MICU3: variants seen among roughly 807,000 people sequenced by gnomAD.
MICU3 encodes the protein mitochondrial calcium uptake 3.
In MICU3, 62 loss-of-function variants were observed where a neutral mutation model predicts 66.5. That is an observed-to-expected ratio of 0.93 (90% confidence interval 0.76 to 1.15). The LOEUF is 1.15. Among genes scored for constraint, MICU3 ranks in the 50% most tolerant of loss-of-function variants. The pLI is 0.00. For missense variants in MICU3, 779 were observed against 664.4 expected (o/e 1.17, Z -1.90); for synonymous variants, 308 against 240.7 (o/e 1.28, Z -2.59).
At chr8:17,124,897 T>C (rs7837329), downstream of MICU3, among the ~76,000 whole-genome samples, 6,203 of 152,200 alleles carry the variant, frequency 0.041, 445 homozygotes, top group African/African-American at 0.14. Flanking sequence ...TAGGACTTAG[T>C]AGAATCTTCC....
At chr8:17,099,799 A>G (rs1371698109) in intron 9 of MICU3, among the ~76,000 whole-genome samples, 3 of 151,732 alleles carry the variant, frequency 2.0e-5, no homozygotes, top group Non-Finnish European at 4.4e-5. Flanking sequence ...CCTAGTTTCC[A>G]TGCTTCAAAT....
chr8:17,054,150 A>G (rs367667412), intron 1 of MICU3, among the ~76,000 whole-genome samples: 79 of 152,342 alleles, frequency 5.2e-4, no homozygotes, highest in African/African-American at 1.5e-3. Context: ...CACAATGTCT[A>G]TATTTTCCTA....
At chr8:17,063,535 A>T (rs1480547654) in intron 1 of MICU3, among the ~76,000 whole-genome samples, 1 of 152,178 alleles carries the variant, frequency 6.6e-6, no homozygotes, top group Non-Finnish European at 1.5e-5. Context: ...CCTAAAATTC[A>T]GACCAATGAT....
At chr8:17,047,996 C>T (rs142994290) in intron 1 of MICU3, among the ~76,000 whole-genome samples, 57 of 152,216 alleles carry the variant, frequency 3.7e-4, no homozygotes, top group East Asian at 2.7e-3. Context: ...ACAACTGATA[C>T]GCAAGATAGT....
chr8:17,096,100 G>A (rs1800656595), intron 8 of MICU3, among the ~76,000 whole-genome samples: 1 of 151,910 alleles, frequency 6.6e-6, no homozygotes, highest in Admixed American at 6.6e-5. Flanking sequence ...GGGGCCAGTA[G>A]CTCAGATAGC....
chr8:17,097,562 C>G (rs1371818893), intron 8 of MICU3, among the ~76,000 whole-genome samples: 4 of 151,606 alleles, frequency 2.6e-5, no homozygotes, highest in Admixed American at 1.3e-4. Flanking sequence ...ATTAGGAGCA[C>G]TGGACTTTTA....
intron 2 of MICU3, among the ~76,000 whole-genome samples, chr8:17,065,207 C>G (rs1053407117): frequency 2.6e-5 from 4 of 152,082 alleles, no homozygotes; most frequent in African/African-American, 9.7e-5. Flanking sequence ...AATACTTTAA[C>G]TTAGACTAGA....
intron 9 of MICU3, among the ~76,000 whole-genome samples, chr8:17,099,390 C>T (rs1291141005): frequency 6.6e-6 from 1 of 151,860 alleles, no homozygotes; most frequent in East Asian, 1.9e-4. Flanking sequence ...TTAGAAGTTA[C>T]ACCTGAAAAT....
At chr8:17,101,484 A>G (rs1801252226) in intron 9 of MICU3, among the ~76,000 whole-genome samples, 1 of 151,786 alleles carries the variant, frequency 6.6e-6, no homozygotes, top group African/African-American at 2.4e-5. Context: ...TTGGATCTGG[A>G]TTATCTGGAT....
At chr8:17,041,285 A>AT in intron 1 of MICU3, among the ~76,000 whole-genome samples, 1 of 151,918 alleles carries the variant, frequency 6.6e-6, no homozygotes, top group Non-Finnish European at 1.5e-5. Flanking sequence ...AAAAAAAAAA[A>AT]GTCAGGGGGC....
At chr8:17,110,759 G>T (rs1802131020) in intron 11 of MICU3, among the ~76,000 whole-genome samples, 1 of 151,422 alleles carries the variant, frequency 6.6e-6, no homozygotes, top group African/African-American at 2.4e-5. Flanking sequence ...GTAGAGACAG[G>T]GTTTTTTTTT....
At chr8:17,096,955 T>TTGTGTGTG (rs3988378) in intron 8 of MICU3, among the ~76,000 whole-genome samples, 2,866 of 141,592 alleles carry the variant, frequency 0.02, 41 homozygotes, top group African/African-American at 0.037. Context: ...CTAAATATAT[T>TTGTGTGTG]TGTGTGTGTG....
chr8:17,064,105 A>G lies in MICU3; in HGVS notation c.403A>G (p.Ile135Val), dbSNP rs773630135. ...KETVAIGRTD[I>V]EDLDLYATSR... is the part of the protein sequence containing the mutation. ...TTAGGTTGCTATTGGCAGAACAGACATTGAAGACTTAGACCTTTATGCCAC... is the reference window on the plus strand; with the variant it reads ...TTAGGTTGCTATTGGCAGAACAGACGTTGAAGACTTAGACCTTTATGCCAC... Residue 135 changes from isoleucine (I) to valine (V), a missense_variant, in exon 2 of 15, where the codon ATT becomes GTT. By Grantham distance (29) the Ile-to-Val change is conservative. Coordinates refer to ENST00000318063, the MANE Select transcript of MICU3 (RefSeq NM_181723.3). 5 of 1,611,810 alleles carry G rather than the reference A, an allele frequency of 3.1e-6. No individual in the cohort carries two copies. The East Asian group carries it at 8.9e-5, about 29-fold the overall frequency.
At position 17,104,416 on chromosome 8, in the gene MICU3, TA is replaced by T; in HGVS notation, c.1012del (p.Thr338GlnfsTer35). The T allele has an allele frequency of 7.0e-7, 1 of 1,427,296 alleles. No individual in the cohort carries two copies. The highest frequency in any genetic ancestry group is 9.3e-7 in the Non-Finnish European group (1 of 1,071,278). The allele number at this position is 1,427,296 out of a possible 1,614,324, so 88.4% of individuals were successfully genotyped here. ...CGTGCTGATGACATCACAAGTTTAGTAACAGATACTACACTTCTTGTACACT... is the reference window on the plus strand; with the variant it reads ...CGTGCTGATGACATCACAAGTTTAGTACAGATACTACACTTCTTGTACACT... Reference protein sequence around the residue: ...AERADDITSLVTDTTLLVHFF... With the variant: ...AERADDITSLXTDTTLLVHFF... On this transcript the variant is annotated frameshift_variant, in exon 10 of 15. Transcript: ENST00000318063. LOFTEE classifies it high-confidence loss of function.
At chr8:17,112,175 C>G (rs956310336) in intron 11 of MICU3, among the ~76,000 whole-genome samples, 2 of 152,144 alleles carry the variant, frequency 1.3e-5, no homozygotes, top group Non-Finnish European at 2.9e-5. Context: ...TGGGTGGGGA[C>G]ACAGAGCCAA....
intron 3 of MICU3, among the ~76,000 whole-genome samples, chr8:17,069,986 T>A (rs1197660585): frequency 1.3e-5 from 2 of 152,024 alleles, no homozygotes; most frequent in East Asian, 1.9e-4. Context: ...AATTTGGCAT[T>A]ATCTACTAAA....
downstream of MICU3, among the ~76,000 whole-genome samples, chr8:17,126,368 C>G (rs956025369): frequency 6.6e-6 from 1 of 152,054 alleles, no homozygotes; most frequent in African/African-American, 2.4e-5. Flanking sequence ...TTCCAGTTTT[C>G]CTGTCCTTGA....
In MICU3 at chr8:17,085,278, C is replaced by A. The variant is rs999282260; in HGVS notation, c.737C>A (p.Thr246Asn). Residue 246 changes from threonine to asparagine, a missense_variant, in exon 6 of 15, where the codon ACT becomes AAT. Coordinates refer to ENST00000318063, the MANE Select transcript of MICU3 (RefSeq NM_181723.3). ...GFRIAFNMFD[T>N]DGNEMVDKKE... Reference sequence around the variant, plus strand: ...AGAATAGCTTTCAACATGTTTGACACTGATGGCAATGAGATGGTGGATAAA... The same window carrying A: ...AGAATAGCTTTCAACATGTTTGACAATGATGGCAATGAGATGGTGGATAAA... The A allele has an allele frequency of 3.7e-6, 6 of 1,611,042 alleles. No individual in the cohort carries two copies. In the African/African-American group the frequency reaches 8.0e-5, roughly 22 times the overall value.
intron 11 of MICU3, among the ~76,000 whole-genome samples, chr8:17,106,047 A>G (rs1801710255): frequency 6.6e-6 from 1 of 152,026 alleles, no homozygotes; most frequent in Non-Finnish European, 1.5e-5. Context: ...AAGAGTTTGG[A>G]TGTCATGAAT....
Sources: allele counts gnomAD v4.1 joint callset (sites outside exome capture counted in the v4.1 genomes callset), GRCh38; gene constraint gnomAD v4.1.1; transcripts MANE v1.5; gene names NCBI Gene and HGNC (gene_info 2026-07-23, HGNC 2026-07-21).